TAOK1: variants seen among roughly 807,000 people sequenced by gnomAD.
TAOK1 encodes TAO kinase 1, also known as serine/threonine-protein kinase TAO1.
TAOK1 carries 21 observed loss-of-function variants against 138.3 expected under a neutral mutation model. The observed-to-expected ratio is 0.15, with a 90% CI of 0.11 to 0.22. TAOK1 has a LOEUF of 0.22. Among genes scored for constraint, TAOK1 ranks in the 10% least tolerant of loss-of-function variants. TAOK1 has a pLI of 1.00. For missense variants in TAOK1, 651 were observed against 1,227.7 expected, an observed-to-expected ratio of 0.53 and a Z score of 7.02; for synonymous variants, 361 against 398.4, an observed-to-expected ratio of 0.91 and a Z score of 1.12.
chr17:29,547,731 T>G lies in TAOK1; in HGVS notation c.*4709T>G, dbSNP rs369283573. 5 of 152,222 alleles carry G rather than the reference T, an allele frequency of 3.3e-5. No individual in the cohort carries two copies. The East Asian group carries it at 9.6e-4, about 29-fold the overall frequency. 9.4% of individuals were successfully genotyped at this position (152,222 alleles called of 1,614,324 possible). On this transcript the variant is annotated 3_prime_UTR_variant, in exon 20 of 20. Coordinates refer to ENST00000261716, the MANE Select transcript of TAOK1 (RefSeq NM_020791.4). ...GAAGAAAAACAAATTATCTATTTTG[T>G]TTTCCCCCATCTAACATGATAGTGC...
Position 29,517,788 on chromosome 17 carries a change from T to C in TAOK1, c.1908+132T>C. 6 of 802,288 alleles carry C rather than the reference T, an allele frequency of 7.5e-6. No individual in the cohort carries two copies. In the South Asian group the frequency reaches 1.1e-4, roughly 15 times the overall value. The allele number at this position is 802,288 out of a possible 1,614,324, so 49.7% of individuals were successfully genotyped here. A position where few individuals can be genotyped will look rare whatever the true frequency, so the allele number is the denominator to read the frequency against. The stretch of plus-strand genomic sequence containing the variant: ...TGTCTGAATCATTCTTCCCCAGATA[T>C]TCACATGGATTGTTTGCTCCCTGTA... On this transcript the variant is annotated intron_variant, in intron 16 of 19. Transcript: ENST00000261716.
intron 18 of TAOK1, among the ~76,000 whole-genome samples, chr17:29,533,589 G>C (rs981726319): frequency 6.6e-6 from 1 of 151,922 alleles, no homozygotes; most frequent in Non-Finnish European, 1.5e-5. Flanking sequence ...CTGCAATCCT[G>C]GCACCTCGGG....
rs573058020 is a variant in TAOK1, at chr17:29,425,911, C to T, written c.-94-25544C>T. 1.7e-3 allele frequency among the ~76,000 whole-genome samples: 264 copies of T among 152,206 alleles called. 2 individuals are homozygous for T. Among genetic ancestry groups the T allele is most frequent in the African/African-American group, 6.0e-3 (249 of 41,536 alleles). ...TTGTTTTGTTTTTGAGACGGAGTCT[C>T]GCTCTGTCGCCCAGGCTGGAGTGCA... On this transcript the variant is annotated intron_variant, in intron 1 of 19. Transcript: ENST00000261716.
At chr17:29,404,133 G>A (rs1265030544) in intron 1 of TAOK1, 1 of 151,802 alleles carries the variant, frequency 6.6e-6, no homozygotes, top group Non-Finnish European at 1.5e-5. Flanking sequence ...TGTGTGTGGG[G>A]GGGGATTTTG....
At chr17:29,441,854 C>T (rs2029949135) in intron 1 of TAOK1, among the ~76,000 whole-genome samples, 1 of 151,844 alleles carries the variant, frequency 6.6e-6, no homozygotes, top group African/African-American at 2.4e-5. Context: ...GCCAAGGTCG[C>T]CGCCTCTGCA....
intron 10 of TAOK1, among the ~76,000 whole-genome samples, chr17:29,492,100 A>T (rs577800122): frequency 5.9e-5 from 9 of 152,058 alleles, no homozygotes; most frequent in African/African-American, 2.2e-4. Flanking sequence ...GCCCAGGCTG[A>T]TATCGAACTC....
intron 2 of TAOK1, among the ~76,000 whole-genome samples, chr17:29,466,671 C>T (rs895855419): frequency 2.0e-5 from 3 of 152,152 alleles, no homozygotes; most frequent in Non-Finnish European, 4.4e-5. Flanking sequence ...TTTGGTAAAA[C>T]TGTTTTTCAC....
chr17:29,420,622 G>A (rs1385317751), intron 1 of TAOK1, among the ~76,000 whole-genome samples: 2 of 118,078 alleles, frequency 1.7e-5, no homozygotes, highest in African/African-American at 6.8e-5. Flanking sequence ...TTTCGCTCTT[G>A]TTGCCCAGGC....
chr17:29,498,519 C>T lies in TAOK1; in HGVS notation c.1201C>T (p.Pro401Ser), dbSNP rs1161900868. ...TAACAGTTCTGTTATCCATTTAAAA[C>T]CAGTGAGTATTTGGATTTCAATGAA... ...MSNSSVIHLK[P>S]EEENYREEGD... The change falls in exon 12 of 20, where the codon CCA (proline) becomes TCA (serine). Residue 401 changes from proline (P) to serine (S), a missense_variant and splice_region_variant. By Grantham distance (74) the Pro-to-Ser change is moderately conservative. Transcript: ENST00000261716. 1 of 1,613,876 alleles carries T rather than the reference C, an allele frequency of 6.2e-7. No individual in the cohort carries two copies. The highest frequency in any genetic ancestry group is 1.7e-5 in the Admixed American group (1 of 60,006).
intron 17 of TAOK1, among the ~76,000 whole-genome samples, chr17:29,526,481 T>C (rs919460370): frequency 1.3e-5 from 2 of 152,092 alleles, no homozygotes; most frequent in African/African-American, 4.8e-5. Context: ...AGTGGCGCAA[T>C]CTCGGCTCAC....
In TAOK1 at chr17:29,458,293, G is replaced by A. The variant is rs544772408; in HGVS notation, c.132+6613G>A. On this transcript the variant is annotated intron_variant, in intron 2 of 19. Coordinates refer to ENST00000261716, the MANE Select transcript of TAOK1 (RefSeq NM_020791.4). ...TGATTTCAGTAAATATCAAGGATGGGGTTATTGAGTCATCAGGCAAGCTTA... is the reference window on the plus strand; with the variant it reads ...TGATTTCAGTAAATATCAAGGATGGAGTTATTGAGTCATCAGGCAAGCTTA... Among the ~76,000 whole-genome samples, 282 of 152,254 alleles carry A rather than the reference G, an allele frequency of 1.9e-3. 1 individual carries two copies. The highest frequency in any genetic ancestry group is 3.5e-3 in the Non-Finnish European group (240 of 68,020).
intron 1 of TAOK1, among the ~76,000 whole-genome samples, chr17:29,424,369 G>A (rs1474612072): frequency 6.7e-6 from 1 of 149,696 alleles, no homozygotes; most frequent in East Asian, 2.0e-4. Context: ...CCTGGGAGGC[G>A]GAGCTTGGAG....
intron 10 of TAOK1, among the ~76,000 whole-genome samples, chr17:29,495,123 A>G (rs959577169): frequency 2.0e-5 from 3 of 152,222 alleles, no homozygotes; most frequent in Non-Finnish European, 2.9e-5. Context: ...TTCACGCAGC[A>G]TATAAAGGAA....
intron 14 of TAOK1, among the ~76,000 whole-genome samples, chr17:29,508,680 C>T (rs2031667332): frequency 6.6e-6 from 1 of 151,956 alleles, no homozygotes. Flanking sequence ...GAATTTCTGG[C>T]AGCATTTTAA....
chr17:29,469,315 A>G (rs561452131), intron 3 of TAOK1, among the ~76,000 whole-genome samples: 2 of 87,232 alleles, frequency 2.3e-5, no homozygotes, highest in East Asian at 5.0e-3. Flanking sequence ...ATTATTTTTA[A>G]TTGTGGTAAA....
rs891690932 is a variant in TAOK1 at position 29,544,852 on chromosome 17, A to G, written c.*1830A>G. The G allele has an allele frequency of 1.3e-5, 2 of 152,180 alleles. No homozygotes were observed. Among genetic ancestry groups the G allele is most frequent in the Admixed American group, 6.5e-5 (1 of 15,276 alleles). 9.4% of individuals were successfully genotyped at this position (152,180 alleles called of 1,614,324 possible). ...GGTAGAACTCTCTAAGTCCCTCTCA[A>G]TGGCACTCTTTGCCTAGACCAAACT... On this transcript the variant is annotated 3_prime_UTR_variant, in exon 20 of 20. Transcript: ENST00000261716.
rs1289379576 is a variant in TAOK1 at position 29,502,524 on chromosome 17, A to C, written c.1204-65A>C. 2.6e-6 allele frequency: 4 copies of C among 1,515,080 alleles called. No individual in the cohort carries two copies. In the South Asian group the frequency reaches 5.0e-5, roughly 19 times the overall value. The allele number at this position is 1,515,080 out of a possible 1,614,324, so 93.9% of individuals were successfully genotyped here. ...TTGATCAAGTTGTCTTTAAACTTTA[A>C]TTTCCATAAAGATTCAAACAAACTG... On this transcript the variant is annotated intron_variant, in intron 12 of 19. Coordinates refer to ENST00000261716, the MANE Select transcript of TAOK1 (RefSeq NM_020791.4).
chr17:29,441,830 G>A (rs1265148543), intron 1 of TAOK1, among the ~76,000 whole-genome samples: 1 of 151,940 alleles, frequency 6.6e-6, no homozygotes, highest in Non-Finnish European at 1.5e-5. Context: ...CCCAGGAGGC[G>A]GAGGTTGCAG....
chr17:29,525,769 G>A (rs1269484040), intron 17 of TAOK1, among the ~76,000 whole-genome samples: 1 of 152,232 alleles, frequency 6.6e-6, no homozygotes, highest in Non-Finnish European at 1.5e-5. Flanking sequence ...ACTTTGGAAG[G>A]CCGAGGCAGG....
Sources: gnomAD v4.1 joint callset for allele counts (sites outside exome capture counted in the v4.1 genomes callset) on GRCh38, gnomAD v4.1.1 for gene constraint, MANE v1.5 for transcripts, NCBI Gene and HGNC (gene_info 2026-07-23, HGNC 2026-07-21) for gene names.